FHIT: variants seen among roughly 807,000 people sequenced by gnomAD.
FHIT encodes the protein fragile histidine triad diadenosine triphosphatase, also known as bis(5'-adenosyl)-triphosphatase.
A neutral mutation model predicts 17.9 loss-of-function variants in FHIT; 19 were observed. The observed-to-expected ratio is 1.06, with a 90% CI of 0.74 to 1.56. The LOEUF is 1.56. Ranked by LOEUF, FHIT falls within the 40% of genes most tolerant of loss-of-function variation. The pLI is 0.00. For missense variants in FHIT, 248 were observed against 189.2 expected (o/e 1.31, Z -1.82); for synonymous variants, 81 against 69.7 (o/e 1.16, Z -0.81).
intron 5 of FHIT, among the ~76,000 whole-genome samples, chr3:60,206,358 A>T (rs1429882959): frequency 6.6e-6 from 1 of 152,058 alleles, no homozygotes; most frequent in Non-Finnish European, 1.5e-5. Flanking sequence ...TGTGTATCTG[A>T]GCTTCAGATG....
At chr3:60,783,218 A>G (rs1553726083) in intron 4 of FHIT, among the ~76,000 whole-genome samples, 1 of 152,096 alleles carries the variant, frequency 6.6e-6, no homozygotes, top group Admixed American at 6.5e-5. Context: ...ATGTTCCAAC[A>G]TACGAATTTG....
chr3:60,265,694 T>C (rs1322511609), intron 5 of FHIT, among the ~76,000 whole-genome samples: 11 of 152,028 alleles, frequency 7.2e-5, no homozygotes, highest in Non-Finnish European at 1.2e-4. Context: ...AAGGGACTTG[T>C]ATCTAGAATA....
chr3:60,335,820 T>C (rs1020199609), intron 5 of FHIT, among the ~76,000 whole-genome samples: 27 of 151,976 alleles, frequency 1.8e-4, no homozygotes, highest in African/African-American at 6.3e-4. Flanking sequence ...GTGACCTACT[T>C]TCTATTAGAC....
chr3:59,866,314 C>T (rs549155391), intron 8 of FHIT, among the ~76,000 whole-genome samples: 8 of 151,670 alleles, frequency 5.3e-5, no homozygotes, highest in African/African-American at 1.5e-4. Flanking sequence ...ACAAGCTTAA[C>T]GTGTCCAAGA....
At chr3:59,794,408 A>G (rs192440694) in intron 8 of FHIT, among the ~76,000 whole-genome samples, 1 of 152,362 alleles carries the variant, frequency 6.6e-6, no homozygotes, top group East Asian at 1.9e-4. Flanking sequence ...TGAAACTTAC[A>G]GAGGAGATAC....
At chr3:61,223,828 A>C (rs1036660339) in intron 1 of FHIT, among the ~76,000 whole-genome samples, 9 of 145,882 alleles carry the variant, frequency 6.2e-5, no homozygotes, top group Admixed American at 2.0e-4. Context: ...TTCACAGCTA[A>C]AGAAGTTTTC....
intron 3 of FHIT, among the ~76,000 whole-genome samples, chr3:60,997,111 TG>T (rs1245386391): frequency 6.6e-6 from 1 of 152,228 alleles, no homozygotes; most frequent in East Asian, 1.9e-4. Flanking sequence ...GGTCTGTTGT[TG>T]CTGTTCTTTA....
chr3:60,207,639 C>T (rs9815524), intron 5 of FHIT, among the ~76,000 whole-genome samples: 5 of 152,090 alleles, frequency 3.3e-5, no homozygotes, highest in South Asian at 2.1e-4. Flanking sequence ...ATGTGACTAC[C>T]GTGACACTCA....
At chr3:60,222,609 T>C (rs1704013880) in intron 5 of FHIT, among the ~76,000 whole-genome samples, 1 of 152,160 alleles carries the variant, frequency 6.6e-6, no homozygotes, top group African/African-American at 2.4e-5. Flanking sequence ...GCCAACATGA[T>C]GAAACCCCGT....
intron 3 of FHIT, among the ~76,000 whole-genome samples, chr3:61,036,180 T>G (rs908719036): frequency 6.6e-6 from 1 of 152,118 alleles, no homozygotes; most frequent in Non-Finnish European, 1.5e-5. Flanking sequence ...TAGCAGGCAC[T>G]TCACATGGGG....
intron 5 of FHIT, among the ~76,000 whole-genome samples, chr3:60,216,877 C>T (rs979330417): frequency 7.9e-5 from 12 of 152,120 alleles, no homozygotes; most frequent in Non-Finnish European, 1.6e-4. Flanking sequence ...CTTCCCATTC[C>T]AAACAGCTGT....
chr3:60,442,797 C>T (rs2031005394), intron 5 of FHIT, among the ~76,000 whole-genome samples: 2 of 152,024 alleles, frequency 1.3e-5, no homozygotes, highest in Non-Finnish European at 2.9e-5. Flanking sequence ...TAATTTTTTC[C>T]AATTCTGTGA....
At chr3:59,987,965 C>G (rs1007738135) in intron 7 of FHIT, among the ~76,000 whole-genome samples, 3 of 152,096 alleles carry the variant, frequency 2.0e-5, no homozygotes, top group Non-Finnish European at 2.9e-5. Flanking sequence ...ACCTGACCCA[C>G]TACAGAAAAA....
chr3:60,098,794 G>A (rs76195357), intron 5 of FHIT, among the ~76,000 whole-genome samples: 16 of 152,122 alleles, frequency 1.1e-4, no homozygotes, highest in Admixed American at 9.2e-4. Context: ...TACAAAATGT[G>A]TTAACTGATT....
chr3:60,174,667 T>C (rs1253157527), intron 5 of FHIT, among the ~76,000 whole-genome samples: 2 of 152,016 alleles, frequency 1.3e-5, no homozygotes, highest in Non-Finnish European at 2.9e-5. Flanking sequence ...CAGATAAATT[T>C]CACATAATAT....
intron 2 of FHIT, among the ~76,000 whole-genome samples, chr3:61,122,502 A>G (rs1559999302): frequency 6.6e-6 from 1 of 152,232 alleles, no homozygotes; most frequent in Non-Finnish European, 1.5e-5. Context: ...AAAATTGACA[A>G]TTGGGATCCA....
chr3:60,747,216 G>C (rs1376964582), intron 4 of FHIT, among the ~76,000 whole-genome samples: 1 of 151,724 alleles, frequency 6.6e-6, no homozygotes, highest in Non-Finnish European at 1.5e-5. Flanking sequence ...TAGCAGCACT[G>C]CTCCTCTCTG....
chr3:61,198,903 ATGATGATGATG>A (rs2038933413), intron 2 of FHIT, among the ~76,000 whole-genome samples: 1 of 61,228 alleles, frequency 1.6e-5, no homozygotes, highest in African/African-American at 1.4e-4. Flanking sequence ...GCCGATGATG[ATGATGATGATG>A]ATGATGATGA....
intron 4 of FHIT, among the ~76,000 whole-genome samples, chr3:60,773,847 A>T (rs1328751614): frequency 6.6e-6 from 1 of 152,238 alleles, no homozygotes; most frequent in Non-Finnish European, 1.5e-5. Context: ...TTTCTGGCTT[A>T]ATACCACCTT....
Sources: gnomAD v4.1 joint callset for allele counts (sites outside exome capture counted in the v4.1 genomes callset) on GRCh38, gnomAD v4.1.1 for gene constraint, MANE v1.5 for transcripts, NCBI Gene and HGNC (gene_info 2026-07-23, HGNC 2026-07-21) for gene names.